Variants in MOSPD1 observed in about 807,000 individuals in gnomAD.
The protein encoded by MOSPD1 is motile sperm domain-containing protein 1.
MOSPD1 carries 5 observed loss-of-function variants against 16.7 expected under a neutral mutation model. The ratio of observed to expected loss-of-function variants is 0.30; its 90% confidence interval spans 0.16 to 0.63. MOSPD1 has a LOEUF of 0.63. MOSPD1 is among the 30% of genes least tolerant of loss of function. The pLI is 0.82. For missense variants in MOSPD1, 104 were observed against 153.6 expected (o/e 0.68, Z 1.71); for synonymous variants, 67 against 59.2 (o/e 1.13, Z -0.61).
rs1280405971 is a variant in MOSPD1, at chrX:134,889,097, A to G, written c.*64T>C. ...CATGTTAATGGAGTGAAATAGAGATAAAAGGCAGTCCACATTCATATTTTC... is the reference window on the plus strand; with the variant it reads ...CATGTTAATGGAGTGAAATAGAGATGAAAGGCAGTCCACATTCATATTTTC... On this transcript the variant is annotated 3_prime_UTR_variant, in exon 6 of 6. Transcript: ENST00000370783. 33 of 919,743 alleles carry G rather than the reference A, an allele frequency of 3.6e-5. No individual in the cohort carries two copies. Among genetic ancestry groups the G allele is most frequent in the Non-Finnish European group, 4.8e-5 (31 of 647,248 alleles). 75.8% of individuals were successfully genotyped at this position (919,743 alleles called of 1,213,427 possible).
At position 134,892,826 on chromosome X, in the gene MOSPD1, A is replaced by T. The variant is rs148982979; in HGVS notation, c.449-1186T>A. On this transcript the variant is annotated intron_variant, in intron 4 of 5. Transcript: ENST00000370783. ...AGAATCGCTTGAACTCGGGAGGTGG[A>T]GGTTGCAGTGAGCCTAGACTGCACC... Among the ~76,000 whole-genome samples the T allele has an allele frequency of 3.4e-3, 378 of 111,312 alleles. 2 individuals carry two copies. Among genetic ancestry groups the T allele is most frequent in the South Asian group, 0.015 (40 of 2,603 alleles).
At chrX:134,909,154 C>G (rs2082957997) in intron 1 of MOSPD1, among the ~76,000 whole-genome samples, 1 of 109,038 alleles carries the variant, frequency 9.2e-6, no homozygotes. Context: ...GCCTGTAGTC[C>G]CAGCTACTCG....
chrX:134,896,919 T>C lies in MOSPD1; in HGVS notation c.346A>G (p.Thr116Ala), dbSNP rs757234804. The change falls in exon 4 of 6, where the codon ACT (threonine) becomes GCT (alanine). Residue 116 changes from threonine to alanine, a missense_variant. Transcript: ENST00000370783. The stretch of plus-strand genomic sequence containing the variant: ...TGTTCTTTTGCTGATGGGAGAAGAG[T>C]AGCAACAACCTCTTTTCTTCCCAAA... Reference protein sequence around the residue: ...KALGRKEVVATLLPSAKEQQK... With the variant: ...KALGRKEVVAALLPSAKEQQK... 6.6e-6 allele frequency: 8 copies of C among 1,206,575 alleles called. No homozygotes were observed. The highest frequency in any genetic ancestry group is 1.8e-5 in the African/African-American group (1 of 56,995).
chrX:134,898,161 G>T (rs113093431), intron 3 of MOSPD1, among the ~76,000 whole-genome samples: 2 of 111,849 alleles, frequency 1.8e-5, no homozygotes, highest in African/African-American at 6.5e-5. Context: ...TTACAGGCGT[G>T]AGCCACTGCA....
At chrX:134,889,908 T>C (rs185461828) in intron 5 of MOSPD1, among the ~76,000 whole-genome samples, 23 of 109,899 alleles carry the variant, frequency 2.1e-4, no homozygotes, top group African/African-American at 7.6e-4. Flanking sequence ...CCGTCTCTAC[T>C]AAAAATACAA....
Position 134,899,262 on chromosome X carries a change from T to C in MOSPD1, c.154+18A>G. On this transcript the variant is annotated intron_variant, in intron 2 of 5. Transcript: ENST00000370783. ...AGGGACCAGTTAAAAACCCAGAAAATAGAGCTAGGAGACTCACCTTTGAAC... is the reference window on the plus strand; with the variant it reads ...AGGGACCAGTTAAAAACCCAGAAAACAGAGCTAGGAGACTCACCTTTGAAC... The C allele has an allele frequency of 8.5e-7, 1 of 1,177,279 alleles. No homozygotes were observed. Among genetic ancestry groups the C allele is most frequent in the Non-Finnish European group, 1.1e-6 (1 of 882,586 alleles).
chrX:134,895,813 C>A (rs1163811511), intron 4 of MOSPD1, among the ~76,000 whole-genome samples: 1 of 110,271 alleles, frequency 9.1e-6, no homozygotes, highest in Non-Finnish European at 1.9e-5. Context: ...TGGCAAAAAT[C>A]GCAATTGCTT....
At chrX:134,912,333 C>A (rs970836973) in intron 1 of MOSPD1, among the ~76,000 whole-genome samples, 1 of 111,423 alleles carries the variant, frequency 9.0e-6, no homozygotes, top group Non-Finnish European at 1.9e-5. Context: ...CAGGCGCCTG[C>A]CACCATGCCC....
At chrX:134,900,388 C>CT (rs1569468470) in intron 1 of MOSPD1, among the ~76,000 whole-genome samples, 1 of 111,896 alleles carries the variant, frequency 8.9e-6, no homozygotes, top group Non-Finnish European at 1.9e-5. Flanking sequence ...TTCTTTTAAT[C>CT]TTTTTTCTAC....
intron 1 of MOSPD1, among the ~76,000 whole-genome samples, chrX:134,902,865 C>CAAA (rs1440723154): frequency 1.0e-5 from 1 of 98,437 alleles, no homozygotes; most frequent in African/African-American, 3.7e-5. Context: ...AAAAAAAAAC[C>CAAA]AAAAAAAAAC....
In MOSPD1 at chrX:134,899,520, A is replaced by C. The variant is rs779886217; in HGVS notation, c.-87T>G. The C allele has an allele frequency of 4.7e-5, 45 of 955,044 alleles. 1 individual carries two copies. In the African/African-American group the frequency reaches 8.8e-4, roughly 19 times the overall value. 78.7% of individuals were successfully genotyped at this position (955,044 alleles called of 1,213,427 possible). On this transcript the variant is annotated 5_prime_UTR_variant, in exon 2 of 6. Coordinates refer to ENST00000370783, the MANE Select transcript of MOSPD1 (RefSeq NM_019556.3). ...TTCTTAGATTCAGTTAAAAACTCCAAAGCATTTTGGCAATCTAGAAATAGA... is the reference window on the plus strand; with the variant it reads ...TTCTTAGATTCAGTTAAAAACTCCACAGCATTTTGGCAATCTAGAAATAGA...
At chrX:134,911,687 G>C (rs376107052) in intron 1 of MOSPD1, among the ~76,000 whole-genome samples, 1 of 112,380 alleles carries the variant, frequency 8.9e-6, no homozygotes, top group African/African-American at 3.2e-5. Flanking sequence ...CAATCAGTGA[G>C]ACTGACAATT....
intron 4 of MOSPD1, among the ~76,000 whole-genome samples, chrX:134,896,188 G>A (rs765929547): frequency 7.2e-5 from 8 of 111,212 alleles, no homozygotes; most frequent in South Asian, 3.8e-4. Context: ...GGATAATGAC[G>A]TCCAAAGAGT....
At chrX:134,911,173 A>G (rs753239922) in intron 1 of MOSPD1, among the ~76,000 whole-genome samples, 1 of 112,057 alleles carries the variant, frequency 8.9e-6, no homozygotes, top group Non-Finnish European at 1.9e-5. Context: ...GGCCTTAAGG[A>G]TTTTAAGCAC....
At position 134,903,911 on chromosome X, in the gene MOSPD1, G is replaced by A. The variant is rs368122479; in HGVS notation, c.-101-4377C>T. Among the ~76,000 whole-genome samples the A allele has an allele frequency of 2.7e-5, 3 of 110,266 alleles. No individual in the cohort carries two copies. The East Asian group carries it at 8.5e-4, about 31-fold the overall frequency. ...ACATTAGCCAGGCATAGTGGCGTGC[G>A]CCTGTAATCCCAGCTACTCGGGAGG... On this transcript the variant is annotated intron_variant, in intron 1 of 5. Transcript: ENST00000370783.
chrX:134,911,928 CT>C (rs1344786965), intron 1 of MOSPD1, among the ~76,000 whole-genome samples: 7 of 112,643 alleles, frequency 6.2e-5, no homozygotes, highest in Non-Finnish European at 1.3e-4. Context: ...TCAACTGAAA[CT>C]GTTATTTCTA....
intron 1 of MOSPD1, among the ~76,000 whole-genome samples, chrX:134,902,512 G>A (rs374655566): frequency 2.7e-5 from 3 of 110,532 alleles, no homozygotes; most frequent in South Asian, 7.6e-4. Flanking sequence ...TAAAACTAAG[G>A]CTAGATGCGG....
At chrX:134,902,875 C>A (rs751030219) in intron 1 of MOSPD1, among the ~76,000 whole-genome samples, 7 of 104,973 alleles carry the variant, frequency 6.7e-5, no homozygotes, top group Middle Eastern at 5.0e-3. Context: ...CAAAAAAAAA[C>A]CAAACTAAGA....
At chrX:134,908,899 T>C (rs2082956476) in intron 1 of MOSPD1, among the ~76,000 whole-genome samples, 1 of 111,966 alleles carries the variant, frequency 8.9e-6, no homozygotes, top group South Asian at 3.7e-4. Context: ...ATACAAAACT[T>C]AGAGACCGTT....
Sources: allele counts gnomAD v4.1 joint callset (sites outside exome capture counted in the v4.1 genomes callset), GRCh38; gene constraint gnomAD v4.1.1; transcripts MANE v1.5; gene names NCBI Gene and HGNC (gene_info 2026-07-23, HGNC 2026-07-21).